TECTA: variants seen among roughly 807,000 people sequenced by gnomAD.
The protein encoded by TECTA is tectorin alpha, also known as alpha-tectorin.
A neutral mutation model predicts 216.8 loss-of-function variants in TECTA; 128 were observed. The observed-to-expected ratio is 0.59, with a 90% CI of 0.51 to 0.68. The LOEUF is 0.68. Among genes scored for constraint, TECTA ranks in the 30% least tolerant of loss-of-function variants. TECTA has a pLI of 0.00. For synonymous variants in TECTA, 1,089 were observed against 1,117.1 expected (o/e 0.97, Z 0.50); for missense variants, 2,551 against 2,786.2 (o/e 0.92, Z 1.90).
At chr11:121,124,230 C>G (rs1003201863) in intron 7 of TECTA, among the ~76,000 whole-genome samples, 1 of 152,138 alleles carries the variant, frequency 6.6e-6, no homozygotes, top group African/African-American at 2.4e-5. Flanking sequence ...GCTGCTAATC[C>G]CCAACTCTTA....
chr11:121,133,775 C>T (rs1946698324), intron 10 of TECTA, among the ~76,000 whole-genome samples: 1 of 152,184 alleles, frequency 6.6e-6, no homozygotes, highest in Non-Finnish European at 1.5e-5. Flanking sequence ...TGTCCAGCCT[C>T]CCCTCATTGG....
intron 7 of TECTA, among the ~76,000 whole-genome samples, chr11:121,121,051 T>C (rs1044491656): frequency 6.6e-6 from 1 of 152,238 alleles, no homozygotes; most frequent in Non-Finnish European, 1.5e-5. Flanking sequence ...GGAGAGAACC[T>C]GGCTTTGGAG....
At chr11:121,189,203 A>C (rs753626244) in intron 22 of TECTA, 36 bp downstream of exon 22, 1 of 1,601,828 alleles carries the variant, frequency 6.2e-7, no homozygotes, top group Non-Finnish European at 8.6e-7. Context: ...CTAAATTATT[A>C]AAACAACGGG....
At chr11:121,168,374 A>T in intron 19 of TECTA, 157 bp downstream of exon 19, 1 of 1,045,126 alleles carries the variant, frequency 9.6e-7, no homozygotes, top group Non-Finnish European at 1.5e-6. Context: ...TGTTCAATAG[A>T]ACTCTCTGTG....
intron 16 of TECTA, 138 bp downstream of exon 16, chr11:121,162,508 A>C (rs1250190122): frequency 8.4e-7 from 1 of 1,183,778 alleles, no homozygotes; most frequent in African/African-American, 1.5e-5. Context: ...GATAGTAGAG[A>C]GCTGTGAGCT....
intron 12 of TECTA, among the ~76,000 whole-genome samples, chr11:121,147,574 G>T (rs1454093097): frequency 6.6e-6 from 1 of 152,172 alleles, no homozygotes; most frequent in African/African-American, 2.4e-5. Flanking sequence ...CTCGGGTCTG[G>T]ATAAATCCCC....
At position 121,160,314 on chromosome 11, in the gene TECTA, C is replaced by T. The variant is rs138780217; in HGVS notation, c.4869C>T (p.Gly1623=). The change falls in exon 15 of 24, where the codon GGC becomes GGT. Residue 1623 remains glycine, a synonymous_variant. Coordinates refer to ENST00000392793, the MANE Select transcript of TECTA (RefSeq NM_005422.4). ...AGAACAAAGTGTGCGGTCTCTGTGG[C>T]AACTTCAACGGGGACCTAACAGATG... ...RLQNKVCGLC[G]NFNGDLTDDY... The T allele has an allele frequency of 2.5e-6, 4 of 1,614,168 alleles. No homozygotes were observed. In the African/African-American group the frequency reaches 5.3e-5, roughly 22 times the overall value.
chr11:121,114,153 G>GA (rs1211524327), intron 6 of TECTA, among the ~76,000 whole-genome samples: 3 of 152,060 alleles, frequency 2.0e-5, no homozygotes, highest in African/African-American at 7.2e-5. Context: ...GGGTGCAGTT[G>GA]GAGTATTGCC....
In TECTA at chr11:121,105,845, C is replaced by T. The variant is rs1041298366; in HGVS notation, c.79C>T (p.Leu27Phe). The T allele has an allele frequency of 6.2e-7, 1 of 1,614,052 alleles. No homozygotes were observed. The highest frequency in any genetic ancestry group is 1.3e-5 in the African/African-American group (1 of 74,928). ...TCTCTTGACAGCTCAGCCCAGGGAG[C>T]TCATGTATCCATTTTGGCAGAATGA... is the stretch of plus-strand genomic sequence containing the variant. ...LVQHQAQPRE[L>F]MYPFWQNDTK... is the part of the protein sequence containing the mutation. The change falls in exon 3 of 24, where the codon CTC becomes TTC. Residue 27 changes from leucine to phenylalanine, a missense_variant. Around this residue, in one of 3 missense-constraint regions of TECTA, gnomAD observed 2,375 missense variants for 2,563.9 expected, o/e 0.93. Coordinates refer to ENST00000392793, the MANE Select transcript of TECTA (RefSeq NM_005422.4). The surrounding 1 kb of genome is among the most constrained non-coding windows in gnomAD (Gnocchi z 5.3).
At chr11:121,188,255 GAAT>G (rs1224195219) in intron 21 of TECTA, among the ~76,000 whole-genome samples, 24 of 152,342 alleles carry the variant, frequency 1.6e-4, no homozygotes, top group African/African-American at 5.5e-4. Flanking sequence ...GTTTTGGACT[GAAT>G]AATTCTTTGT....
At chr11:121,182,812 G>A (rs1342639407) in intron 20 of TECTA, among the ~76,000 whole-genome samples, 2 of 151,990 alleles carry the variant, frequency 1.3e-5, no homozygotes, top group Admixed American at 6.5e-5. Context: ...TGACTGGTGG[G>A]TGAGTCAAAC....
At chr11:121,106,069 T>C in intron 3 of TECTA, 105 bp downstream of exon 3, 1 of 1,575,806 alleles carries the variant, frequency 6.3e-7, no homozygotes, top group African/African-American at 1.3e-5. Context: ...GAAGGGAGGA[T>C]TTATTGGCAG....
intron 10 of TECTA, among the ~76,000 whole-genome samples, chr11:121,136,125 A>AT (rs1029473520): frequency 9.2e-5 from 14 of 151,642 alleles, no homozygotes; most frequent in African/African-American, 2.9e-4. Context: ...CGCCTGGCTA[A>AT]TTTTTTTTGT....
At chr11:121,154,301 C>A (rs1292174346) in intron 13 of TECTA, among the ~76,000 whole-genome samples, 1 of 152,124 alleles carries the variant, frequency 6.6e-6, no homozygotes, top group Non-Finnish European at 1.5e-5. Flanking sequence ...CTCAATTTCA[C>A]TTTCAGTGGA....
Position 121,127,676 on chromosome 11 carries a change from A to G in TECTA, c.1775-76A>G. On this transcript the variant is annotated intron_variant, in intron 8 of 23. Transcript: ENST00000392793. The surrounding 1 kb of genome is among the most constrained non-coding windows in gnomAD (Gnocchi z 5.0). ...TCTAGGAACTAAATGATCCAGGAGG[A>G]GCGTTAAGATTCTGGCGGGTTAGCA... The G allele has an allele frequency of 1.3e-6, 2 of 1,516,400 alleles. No homozygotes were observed. The highest frequency in any genetic ancestry group is 1.1e-5 in the South Asian group (1 of 89,160). The allele number at this position is 1,516,400 out of a possible 1,614,324, so 93.9% of individuals were successfully genotyped here.
At chr11:121,174,439 T>C (rs1368366676) in intron 20 of TECTA, among the ~76,000 whole-genome samples, 1 of 152,196 alleles carries the variant, frequency 6.6e-6, no homozygotes, top group Non-Finnish European at 1.5e-5. Context: ...TCTGCATCTA[T>C]TGAGATAATC....
intron 18 of TECTA, among the ~76,000 whole-genome samples, 192 bp downstream of exon 18, chr11:121,166,972 T>C (rs1246124257): frequency 6.6e-6 from 1 of 152,018 alleles, no homozygotes; most frequent in Non-Finnish European, 1.5e-5. Flanking sequence ...ATTGACGGAG[T>C]TGAAAGAGTG....
intron 4 of TECTA, among the ~76,000 whole-genome samples, chr11:121,112,458 G>A (rs528269366): frequency 1.3e-5 from 2 of 152,350 alleles, no homozygotes; most frequent in Non-Finnish European, 2.9e-5. Flanking sequence ...ACAGATGAAT[G>A]TTAACGATTT....
intron 6 of TECTA, among the ~76,000 whole-genome samples, chr11:121,114,660 C>G (rs1946481029): frequency 9.1e-6 from 1 of 109,988 alleles, no homozygotes; most frequent in South Asian, 4.1e-4. Context: ...CATCCACCTA[C>G]CCACCCACCC....
Sources: allele counts gnomAD v4.1 joint callset (sites outside exome capture counted in the v4.1 genomes callset), GRCh38; gene constraint gnomAD v4.1.1; regional missense constraint gnomAD v4.1.1; non-coding constraint Gnocchi (gnomAD v3.1); transcripts MANE v1.5; gene names NCBI Gene and HGNC (gene_info 2026-07-23, HGNC 2026-07-21).